The following DERA variants were observed in gnomAD, a reference collection of about 807,000 sequenced individuals.
DERA encodes deoxyribose-phosphate aldolase.
DERA carries 15 observed loss-of-function variants against 41.1 expected under a neutral mutation model. The observed-to-expected ratio is 0.37, with a 90% confidence interval of 0.24 to 0.56. DERA has a LOEUF of 0.56. DERA is among the 20% of genes least tolerant of loss of function. The pLI is 0.81. For missense variants in DERA, 396 were observed against 403.4 expected (o/e 0.98, Z 0.16); for synonymous variants, 139 against 137.4 (o/e 1.01, Z -0.08).
chr12:15,994,601 C>T lies in DERA; in HGVS notation c.637+12165C>T, dbSNP rs1405706169. Among the ~76,000 whole-genome samples the T allele has an allele frequency of 6.6e-6, 1 of 152,158 alleles. No individual in the cohort carries two copies. The highest frequency in any genetic ancestry group is 1.5e-5 in the Non-Finnish European group (1 of 68,036). ...CCTGAATAGCTGGGACTACAGGCGC[C>T]TGCAACCACGCCTGGCTAATTTTTT... On this transcript the variant is annotated intron_variant, in intron 6 of 8. Coordinates refer to ENST00000428559, the MANE Select transcript of DERA (RefSeq NM_015954.4). This position sits in a 1 kb window ranked among gnomAD's most constrained non-coding sequence, Gnocchi z 4.8.
At chr12:15,912,315 A>G (rs1171221032) in intron 1 of DERA, among the ~76,000 whole-genome samples, 18 of 152,176 alleles carry the variant, frequency 1.2e-4, no homozygotes, top group Admixed American at 1.2e-3. Flanking sequence ...CACATGTTTC[A>G]GAGAGCACAG....
chr12:16,030,512 C>A (rs1026462442), intron 6 of DERA, among the ~76,000 whole-genome samples: 5 of 152,156 alleles, frequency 3.3e-5, no homozygotes, highest in Non-Finnish European at 7.4e-5. Context: ...TATTAATGAA[C>A]TTAGTATATG....
chr12:15,956,657 ATACAGG>A, intron 1 of DERA: 1 of 481,576 alleles, frequency 2.1e-6, no homozygotes, highest in Non-Finnish European at 4.0e-6. Context: ...TGATGAATCA[ATACAGG>A]TTCTTCCAGT....
intron 1 of DERA, among the ~76,000 whole-genome samples, chr12:15,952,148 C>G (rs1565593752): frequency 6.6e-6 from 1 of 152,208 alleles, no homozygotes; most frequent in Non-Finnish European, 1.5e-5. Flanking sequence ...ATCCGCCTGC[C>G]TCGGCCTCCC....
rs146182174 is a variant in DERA, at chr12:16,033,581, TTGTG to T, written c.750+967_750+970del. ...TTTTTTACATGATTGGAGAGCAAGG[TTGTG>T]TGTGTGTGTGTGTGTGTGTGTGTGT... On this transcript the variant is annotated intron_variant, in intron 7 of 8. Transcript: ENST00000428559. Among the ~76,000 whole-genome samples, 742 of 127,690 alleles carry T rather than the reference TTGTG, an allele frequency of 5.8e-3. 6 individuals are homozygous for T. Among genetic ancestry groups the T allele is most frequent in the African/African-American group, 0.016 (531 of 33,744 alleles). The allele number at this position is 127,690 out of a possible 152,430, so 83.8% of individuals were successfully genotyped here.
In DERA at chr12:15,933,877, A is replaced by C. The variant is rs77251116; in HGVS notation, c.31+22463A>C. Among the ~76,000 whole-genome samples, 7 of 152,246 alleles carry C rather than the reference A, an allele frequency of 4.6e-5. No homozygotes were observed. The East Asian group carries it at 1.4e-3, about 29-fold the overall frequency. On this transcript the variant is annotated intron_variant, in intron 1 of 8. Coordinates refer to ENST00000428559, the MANE Select transcript of DERA (RefSeq NM_015954.4). The stretch of plus-strand genomic sequence containing the variant: ...AATCCAGTTTCCTGCTTTGTTCTAT[A>C]CTGTTATGCCCTATATTTAGCACTG...
intron 1 of DERA, among the ~76,000 whole-genome samples, chr12:15,932,868 G>A (rs993011526): frequency 1.1e-4 from 16 of 143,382 alleles, no homozygotes; most frequent in African/African-American, 4.2e-4. Flanking sequence ...CCAGCCTCTG[G>A]TAACACCATT....
Position 15,985,138 on chromosome 12 carries a change from T to C in DERA, c.637+2702T>C, listed in dbSNP as rs1948755869. The C allele has an allele frequency of 6.6e-6, 1 of 152,288 alleles. No individual in the cohort carries two copies. Among genetic ancestry groups the C allele is most frequent in the African/African-American group, 2.4e-5 (1 of 41,460 alleles). 9.4% of individuals were successfully genotyped at this position (152,288 alleles called of 1,614,324 possible). On this transcript the variant is annotated intron_variant, in intron 6 of 8. Coordinates refer to ENST00000428559, the MANE Select transcript of DERA (RefSeq NM_015954.4). This position sits in a 1 kb window ranked among gnomAD's most constrained non-coding sequence, Gnocchi z 4.2. ...GAAATATCTTTGTGTCCCTTTATAG[T>C]CGCCTCCACTCAGCTCACCTGCTGT...
At position 15,989,249 on chromosome 12, in the gene DERA, C is replaced by T. The variant is rs532485474; in HGVS notation, c.637+6813C>T. 1.3e-5 allele frequency among the ~76,000 whole-genome samples: 2 copies of T among 152,226 alleles called. No homozygotes were observed. Among genetic ancestry groups the T allele is most frequent in the East Asian group, 1.9e-4 (1 of 5,196 alleles). On this transcript the variant is annotated intron_variant, in intron 6 of 8. Coordinates refer to ENST00000428559, the MANE Select transcript of DERA (RefSeq NM_015954.4). The surrounding 1 kb of genome is among the most constrained non-coding windows in gnomAD (Gnocchi z 5.2). Reference sequence around the variant, plus strand: ...TGTGCAGCCCTAGCCACGCCTCCCCCGCTGCAACTGGCATCCCCACGGTGG... The same window carrying T: ...TGTGCAGCCCTAGCCACGCCTCCCCTGCTGCAACTGGCATCCCCACGGTGG...
intron 4 of DERA, among the ~76,000 whole-genome samples, chr12:15,960,354 CG>C (rs779543968): frequency 6.6e-6 from 1 of 150,520 alleles, no homozygotes; most frequent in Non-Finnish European, 1.5e-5. Flanking sequence ...TAATGATATG[CG>C]GGCTGGGGAC....
In DERA at chr12:15,915,417, G is replaced by T. The variant is rs955713874; in HGVS notation, c.31+4003G>T. Reference sequence around the variant, plus strand: ...GGTGATGGTGATTTTCCACTGCAAAGTTAACGTTTAATTTTTGGAATGGAT... The same window carrying T: ...GGTGATGGTGATTTTCCACTGCAAATTTAACGTTTAATTTTTGGAATGGAT... On this transcript the variant is annotated intron_variant, in intron 1 of 8. Coordinates refer to ENST00000428559, the MANE Select transcript of DERA (RefSeq NM_015954.4). The surrounding 1 kb of genome is among the most constrained non-coding windows in gnomAD (Gnocchi z 4.8). Among the ~76,000 whole-genome samples the T allele has an allele frequency of 6.6e-6, 1 of 152,130 alleles. No individual in the cohort carries two copies. Among genetic ancestry groups the T allele is most frequent in the African/African-American group, 2.4e-5 (1 of 41,422 alleles).
Position 15,969,192 on chromosome 12 carries a change from A to G in DERA, c.508+6245A>G, listed in dbSNP as rs146746414. ...AAGCATTCACCAGAAGTTGTTCATC[A>G]TTTCATAAATCTTATTGAGCAGGTT... is the stretch of plus-strand genomic sequence containing the variant. On this transcript the variant is annotated intron_variant, in intron 5 of 8. Transcript: ENST00000428559. Among the ~76,000 whole-genome samples, 392 of 152,332 alleles carry G rather than the reference A, an allele frequency of 2.6e-3. 3 individuals are homozygous for G. Among genetic ancestry groups the G allele is most frequent in the African/African-American group, 9.0e-3 (375 of 41,574 alleles).
At chr12:15,987,767 C>T (rs920840326) in intron 6 of DERA, among the ~76,000 whole-genome samples, 2 of 152,016 alleles carry the variant, frequency 1.3e-5, no homozygotes, top group African/African-American at 4.8e-5. Context: ...AGTCAGAAAC[C>T]TCCGTGCACT....
At chr12:15,955,276 G>A (rs960836357) in intron 1 of DERA, among the ~76,000 whole-genome samples, 1 of 151,722 alleles carries the variant, frequency 6.6e-6, no homozygotes, top group Non-Finnish European at 1.5e-5. Flanking sequence ...TCCAGCCTGG[G>A]CGACAGAGAG....
chr12:15,958,404 C>T, intron 3 of DERA, 69 bp downstream of exon 3: 2 of 1,275,688 alleles, frequency 1.6e-6, no homozygotes, highest in Non-Finnish European at 2.1e-6. Flanking sequence ...TCAAAGACGA[C>T]TTAAGATACA....
Position 16,009,898 on chromosome 12 carries a change from T to C in DERA, c.638-22644T>C, listed in dbSNP as rs1159666799. Among the ~76,000 whole-genome samples, 1 of 152,194 alleles carries C rather than the reference T, an allele frequency of 6.6e-6. No individual in the cohort carries two copies. Among genetic ancestry groups the C allele is most frequent in the Admixed American group, 6.5e-5 (1 of 15,278 alleles). ...GGTAAAAACCCTAACTTTGGCAGTA[T>C]ACATGTTAAGAAACTATTTATATTG... On this transcript the variant is annotated intron_variant, in intron 6 of 8. Transcript: ENST00000428559. This position sits in a 1 kb window ranked among gnomAD's most constrained non-coding sequence, Gnocchi z 5.3.
rs932031776 is a variant in DERA, at chr12:15,995,943, T to C, written c.637+13507T>C. Among the ~76,000 whole-genome samples, 12 of 152,124 alleles carry C rather than the reference T, an allele frequency of 7.9e-5. No homozygotes were observed. Among genetic ancestry groups the C allele is most frequent in the African/African-American group, 2.9e-4 (12 of 41,416 alleles). On this transcript the variant is annotated intron_variant, in intron 6 of 8. Transcript: ENST00000428559. This position sits in a 1 kb window ranked among gnomAD's most constrained non-coding sequence, Gnocchi z 5.1. ...AAGATGGCTTTTGAGCTAGTTATTA[T>C]AGGAAGAATTTCGTCAGTGTCTGAA...
At chr12:15,917,151 G>C (rs995992985) in intron 1 of DERA, among the ~76,000 whole-genome samples, 4 of 152,094 alleles carry the variant, frequency 2.6e-5, no homozygotes, top group Non-Finnish European at 4.4e-5. Flanking sequence ...CTTTTATTGA[G>C]ATAGAGGCCT....
intron 5 of DERA, among the ~76,000 whole-genome samples, chr12:15,964,022 G>A: frequency 6.6e-6 from 1 of 152,146 alleles, no homozygotes; most frequent in Admixed American, 6.5e-5. Flanking sequence ...CCAGGGGTAG[G>A]TATTTCAGGG....
Sources: gnomAD v4.1 joint callset for allele counts (sites outside exome capture counted in the v4.1 genomes callset) on GRCh38, gnomAD v4.1.1 for gene constraint, Gnocchi (gnomAD v3.1) non-coding constraint, MANE v1.5 for transcripts, NCBI Gene and HGNC (gene_info 2026-07-23, HGNC 2026-07-21) for gene names.